CCDC167: variants seen among roughly 807,000 people sequenced by gnomAD.
CCDC167 encodes coiled-coil domain containing 167.
Under a neutral mutation model 12.7 loss-of-function variants are expected in CCDC167, and 15 were observed. The observed-to-expected ratio is 1.18, with a 90% CI of 0.79 to 1.81. The LOEUF is 1.81. Ranked by LOEUF, CCDC167 falls within the 40% of genes most tolerant of loss-of-function variation. The pLI is 0.00. For synonymous variants in CCDC167, 52 were observed against 49.0 expected (o/e 1.06, Z -0.26); for missense variants, 121 against 120.1 (o/e 1.01, Z -0.03).
Position 37,491,275 on chromosome 6 carries a change from A to G in CCDC167, c.43-6081T>C, listed in dbSNP as rs548723124. Among the ~76,000 whole-genome samples the G allele has an allele frequency of 1.3e-3, 199 of 152,236 alleles. 1 individual carries two copies. Among genetic ancestry groups the G allele is most frequent in the African/African-American group, 4.3e-3 (179 of 41,550 alleles). On this transcript the variant is annotated intron_variant, in intron 1 of 3. Transcript: ENST00000373408. ...CGAGCCACAGGCTACCGTTCACTCT[A>G]TTCTCCTACTGAATGGTGTTCCCAC...
At chr6:37,489,325 G>A (rs1761985750) in intron 1 of CCDC167, among the ~76,000 whole-genome samples, 1 of 152,184 alleles carries the variant, frequency 6.6e-6, no homozygotes, top group Non-Finnish European at 1.5e-5. Flanking sequence ...CAGGGAGGAG[G>A]GCCCCTCTAC....
intron 1 of CCDC167, among the ~76,000 whole-genome samples, chr6:37,499,171 G>T (rs1004679157): frequency 1.3e-5 from 2 of 152,214 alleles, no homozygotes; most frequent in Non-Finnish European, 2.9e-5. Context: ...TCACAGGCTT[G>T]CAGTGAGGAT....
At chr6:37,493,487 T>C (rs1762048726) in intron 1 of CCDC167, among the ~76,000 whole-genome samples, 1 of 152,228 alleles carries the variant, frequency 6.6e-6, no homozygotes, top group Non-Finnish European at 1.5e-5. Flanking sequence ...CGCTAGGTAA[T>C]GAGGTTTTAG....
At chr6:37,497,049 A>G (rs899371228) in intron 1 of CCDC167, among the ~76,000 whole-genome samples, 1 of 152,242 alleles carries the variant, frequency 6.6e-6, no homozygotes, top group African/African-American at 2.4e-5. Flanking sequence ...CAGAACCACC[A>G]TAGACCTGGT....
At chr6:37,485,277 G>C in intron 1 of CCDC167, 83 bp from the exon 2 acceptor site, 1 of 1,060,134 alleles carries the variant, frequency 9.4e-7, no homozygotes. Context: ...GCCTCCGGGA[G>C]TCTTCTTGGA....
In CCDC167 at chr6:37,484,849, T is replaced by C; in HGVS notation, c.151A>G (p.Lys51Glu). The C allele has an allele frequency of 1.9e-6, 3 of 1,614,254 alleles. No individual in the cohort carries two copies. In the South Asian group the frequency reaches 3.3e-5, roughly 18 times the overall value. Reference protein sequence around the residue: ...LSPEARRSLEKEKNSLMNKAS... With the variant: ...LSPEARRSLEEEKNSLMNKAS... ...TTGTTCATTAGGCTGTTTTTCTCCT[T>C]CTCCAGGGACCTCCTGTGAGGGGAA... is the stretch of plus-strand genomic sequence containing the variant. Residue 51 changes from lysine (K) to glutamate (E), a missense_variant, in exon 3 of 4, where the codon AAG (lysine) becomes GAG (glutamate). By Grantham distance (56) the Lys-to-Glu change is moderately conservative. Transcript: ENST00000373408.
intron 1 of CCDC167, among the ~76,000 whole-genome samples, chr6:37,489,047 C>G (rs1761981351): frequency 6.6e-6 from 1 of 151,958 alleles, no homozygotes; most frequent in African/African-American, 2.4e-5. Context: ...ACCATCCTGG[C>G]CAACATGGTG....
In CCDC167 at chr6:37,490,196, G is replaced by A. The variant is rs536515323; in HGVS notation, c.43-5002C>T. On this transcript the variant is annotated intron_variant, in intron 1 of 3. Coordinates refer to ENST00000373408, the MANE Select transcript of CCDC167 (RefSeq NM_138493.3). ...CTGGCCCAGCCTGAGCCCTGGGGAGGCGCTGTGTGAAGCCCTGTGTGAGCG... is the reference window on the plus strand; with the variant it reads ...CTGGCCCAGCCTGAGCCCTGGGGAGACGCTGTGTGAAGCCCTGTGTGAGCG... Among the ~76,000 whole-genome samples the A allele has an allele frequency of 2.0e-3, 302 of 152,324 alleles. 2 individuals carry two copies. Among genetic ancestry groups the A allele is most frequent in the African/African-American group, 5.9e-3 (247 of 41,574 alleles).
At chr6:37,497,962 T>G (rs1005887271) in intron 1 of CCDC167, among the ~76,000 whole-genome samples, 1 of 152,128 alleles carries the variant, frequency 6.6e-6, no homozygotes, top group East Asian at 1.9e-4. Flanking sequence ...TTGTTTACAG[T>G]AGGACAGCTG....
chr6:37,486,386 C>T (rs2113904896), intron 1 of CCDC167, among the ~76,000 whole-genome samples: 1 of 152,346 alleles, frequency 6.6e-6, no homozygotes, highest in East Asian at 1.9e-4. Flanking sequence ...GGTAAGATCC[C>T]TGCCTCCCAC....
intron 3 of CCDC167, among the ~76,000 whole-genome samples, chr6:37,483,863 T>C (rs934389464): frequency 6.6e-6 from 1 of 152,206 alleles, no homozygotes; most frequent in African/African-American, 2.4e-5. Context: ...AAATCAGTCC[T>C]GCTGCTCTAT....
chr6:37,487,016 TGGG>T (rs1276395300), intron 1 of CCDC167, among the ~76,000 whole-genome samples: 3 of 141,124 alleles, frequency 2.1e-5, no homozygotes, highest in Admixed American at 6.9e-5. Flanking sequence ...GGGTGGGGGT[TGGG>T]GGGCAGGGGA....
At position 37,484,800 on chromosome 6, in the gene CCDC167, A is replaced by T. The variant is rs1561797226; in HGVS notation, c.190+10T>A. 4 of 1,614,136 alleles carry T rather than the reference A, an allele frequency of 2.5e-6. No homozygotes were observed. Among genetic ancestry groups the T allele is most frequent in the Non-Finnish European group, 3.4e-6 (4 of 1,179,990 alleles). The stretch of plus-strand genomic sequence containing the variant: ...AGGCTGGGGCTGGTAACTGAAAGGA[A>T]CTTTCTTACCGTAGTTGGAGGCTTT... On this transcript the variant is annotated intron_variant, in intron 3 of 3. Coordinates refer to ENST00000373408, the MANE Select transcript of CCDC167 (RefSeq NM_138493.3).
intron 1 of CCDC167, among the ~76,000 whole-genome samples, chr6:37,489,935 G>C (rs575241686): frequency 5.7e-4 from 87 of 152,300 alleles, no homozygotes; most frequent in African/African-American, 2.0e-3. Flanking sequence ...CACAGTGTGG[G>C]GGCAGAGAGC....
At chr6:37,485,377 G>C (rs573237304) in intron 1 of CCDC167, among the ~76,000 whole-genome samples, 183 bp from the exon 2 acceptor site, 11 of 152,164 alleles carry the variant, frequency 7.2e-5, no homozygotes, top group Non-Finnish European at 1.3e-4. Context: ...CTGCCTCCAC[G>C]TGGTTCAGCT....
intron 1 of CCDC167, among the ~76,000 whole-genome samples, chr6:37,491,211 C>A (rs1328042213): frequency 6.6e-6 from 1 of 152,176 alleles, no homozygotes; most frequent in Non-Finnish European, 1.5e-5. Flanking sequence ...TGTTGGGGGC[C>A]TCATATGCAG....
At chr6:37,488,166 C>A (rs1189819497) in intron 1 of CCDC167, among the ~76,000 whole-genome samples, 2 of 152,218 alleles carry the variant, frequency 1.3e-5, no homozygotes, top group African/African-American at 4.8e-5. Flanking sequence ...GAAGCAGGAG[C>A]CAGCTGTCAA....
intron 1 of CCDC167, among the ~76,000 whole-genome samples, chr6:37,491,088 C>T (rs1762014182): frequency 1.3e-5 from 2 of 152,112 alleles, no homozygotes; most frequent in South Asian, 4.2e-4. Flanking sequence ...AGAATCAGAG[C>T]CCCACGGAGG....
At chr6:37,493,637 G>C (rs1323640694) in intron 1 of CCDC167, among the ~76,000 whole-genome samples, 1 of 152,242 alleles carries the variant, frequency 6.6e-6, no homozygotes, top group Non-Finnish European at 1.5e-5. Context: ...AGTCCTCTGC[G>C]TGCTGCGAGC....
Sources: gnomAD v4.1 joint callset for allele counts (sites outside exome capture counted in the v4.1 genomes callset) on GRCh38, gnomAD v4.1.1 for gene constraint, MANE v1.5 for transcripts, NCBI Gene and HGNC (gene_info 2026-07-23, HGNC 2026-07-21) for gene names.